The following KLHL10 variants were observed in gnomAD, a reference collection of about 807,000 sequenced individuals.
The protein encoded by KLHL10 is kelch like family member 10, also known as kelch-like protein 10.
In KLHL10, 11 loss-of-function variants were observed where a neutral mutation model predicts 46.6. The ratio of observed to expected loss-of-function variants is 0.24; its 90% CI spans 0.15 to 0.39. The LOEUF (loss-of-function observed/expected upper bound fraction) is 0.39. Among genes scored for constraint, KLHL10 ranks in the 10% least tolerant of loss-of-function variants. The pLI is 1.00. For synonymous variants in KLHL10, 254 were observed against 279.1 expected (o/e 0.91, Z 0.90); for missense variants, 475 against 789.8 (o/e 0.60, Z 4.78).
intron 2 of KLHL10, 58 bp from the exon 3 acceptor site, chr17:41,845,068 T>C: frequency 1.9e-6 from 3 of 1,609,442 alleles, no homozygotes; most frequent in Non-Finnish European, 2.6e-6. Context: ...GAGTTAAGGA[T>C]GTGGGATTTC....
upstream of KLHL10, among the ~76,000 whole-genome samples, chr17:41,836,870 G>A (rs886302946): frequency 3.9e-5 from 6 of 152,108 alleles, no homozygotes; most frequent in Non-Finnish European, 7.4e-5. Context: ...GAGGAGAGAT[G>A]AAGGAGCCAT....
upstream of KLHL10, chr17:41,836,360 G>T (rs1187993403): frequency 3.3e-6 from 4 of 1,224,634 alleles, no homozygotes; most frequent in Non-Finnish European, 4.1e-6. Context: ...CGATCCGGGT[G>T]GGCTTGCCGG....
upstream of KLHL10, chr17:41,835,812 C>A (rs2048142112): frequency 2.6e-6 from 4 of 1,539,646 alleles, no homozygotes; most frequent in Non-Finnish European, 3.5e-6. Flanking sequence ...CAGGAAGCCT[C>A]TCCAGCCGCC....
chr17:41,846,493 C>T (rs545597937), intron 3 of KLHL10, among the ~76,000 whole-genome samples: 19 of 151,554 alleles, frequency 1.3e-4, no homozygotes, highest in African/African-American at 3.9e-4. Context: ...TCCAAGATTG[C>T]GCCACTGCAC....
intron 4 of KLHL10, 52 bp downstream of exon 4, chr17:41,847,462 T>G: frequency 6.2e-7 from 1 of 1,609,418 alleles, no homozygotes; most frequent in Non-Finnish European, 8.5e-7. Flanking sequence ...CCCCTAGATT[T>G]TGTATTAGTA....
intron 2 of KLHL10, among the ~76,000 whole-genome samples, chr17:41,843,511 CAA>C (rs879983952): frequency 2.3e-4 from 22 of 95,856 alleles, no homozygotes; most frequent in African/African-American, 5.7e-4. Flanking sequence ...CTCAAATTAA[CAA>C]AAAAAAAAAA....
Position 41,837,950 on chromosome 17 carries a change from G to T in KLHL10, c.18G>T (p.Ala6=), listed in dbSNP as rs782773575. 6.2e-7 allele frequency: 1 copy of T among 1,613,968 alleles called. No homozygotes were observed. The highest frequency in any genetic ancestry group is 8.5e-7 in the Non-Finnish European group (1 of 1,180,024). ...AGGGTGCCATGGAGATGGAGAGCGCGGCGGCCTCCACACGTTTCCACCAGC... is the reference window on the plus strand; with the variant it reads ...AGGGTGCCATGGAGATGGAGAGCGCTGCGGCCTCCACACGTTTCCACCAGC... MEMES[A]AASTRFHQPH... The change falls in exon 1 of 5, where the codon GCG becomes GCT. Residue 6 remains alanine, a synonymous_variant. Transcript: ENST00000293303.
chr17:41,835,798 T>A (rs1160929021), upstream of KLHL10: 1 of 1,467,154 alleles, frequency 6.8e-7, no homozygotes, highest in East Asian at 2.4e-5. Flanking sequence ...GAAGGCCCAA[T>A]GGGCAGGAAG....
chr17:41,847,323 T>A lies in KLHL10; in HGVS notation c.1365T>A (p.Thr455=). The A allele has an allele frequency of 1.9e-6, 3 of 1,613,952 alleles. No homozygotes were observed. Among genetic ancestry groups the A allele is most frequent in the Non-Finnish European group, 2.5e-6 (3 of 1,179,964 alleles). Residue 455 remains threonine (T), a synonymous_variant, in exon 4 of 5, where the codon ACT becomes ACA. Coordinates refer to ENST00000293303, the MANE Select transcript of KLHL10 (RefSeq NM_152467.5). ...TGTTCACAGCAGAAGTGTATAACACTGAAAGTAATCAGTGGACAGTCATAG... is the reference window on the plus strand; with the variant it reads ...TGTTCACAGCAGAAGTGTATAACACAGAAAGTAATCAGTGGACAGTCATAG... The part of the protein sequence containing the change: ...ECLFTAEVYN[T]ESNQWTVIAP...
intron 1 of KLHL10, among the ~76,000 whole-genome samples, chr17:41,839,005 T>C (rs1192458798): frequency 6.6e-6 from 1 of 151,908 alleles, no homozygotes; most frequent in African/African-American, 2.4e-5. Flanking sequence ...AATTTTTCTT[T>C]TTTTAAGATG....
intron 4 of KLHL10, 143 bp from the exon 5 acceptor site, chr17:41,847,790 C>A: frequency 9.0e-7 from 1 of 1,114,000 alleles, no homozygotes; most frequent in Non-Finnish European, 1.3e-6. Flanking sequence ...CAGGCGTGAG[C>A]CACTGCACCC....
At chr17:41,840,426 A>T (rs2048214953) in intron 1 of KLHL10, among the ~76,000 whole-genome samples, 1 of 152,150 alleles carries the variant, frequency 6.6e-6, no homozygotes, top group South Asian at 2.1e-4. Context: ...TCAGGAATTC[A>T]AGACCAGCCT....
chr17:41,847,948 G>A lies in KLHL10; in HGVS notation c.1468G>A (p.Gly490Arg). The part of the protein sequence containing the change: ...EHVYAVGGFD[G>R]ANRLRSAEAY... ...CTATCCACAGGTAGGTGGCTTTGATGGAGCTAATCGACTTAGGAGTGCCGA... is the reference window on the plus strand; with the variant it reads ...CTATCCACAGGTAGGTGGCTTTGATAGAGCTAATCGACTTAGGAGTGCCGA... The change falls in exon 5 of 5, where the codon GGA becomes AGA. Residue 490 changes from glycine (G) to arginine (R), a missense_variant. Gly to Arg is a moderately radical substitution (Grantham distance 125). Coordinates refer to ENST00000293303, the MANE Select transcript of KLHL10 (RefSeq NM_152467.5). 5 of 1,614,138 alleles carry A rather than the reference G, an allele frequency of 3.1e-6. No individual in the cohort carries two copies. The highest frequency in any genetic ancestry group is 4.2e-6 in the Non-Finnish European group (5 of 1,180,046).
At chr17:41,838,715 G>C (rs572870275) in intron 1 of KLHL10, among the ~76,000 whole-genome samples, 1 of 136,406 alleles carries the variant, frequency 7.3e-6, no homozygotes, top group Non-Finnish European at 1.5e-5. Flanking sequence ...TTTGAGATGA[G>C]TCTCATTCTG....
intron 3 of KLHL10, among the ~76,000 whole-genome samples, chr17:41,846,998 C>T (rs1555621519): frequency 6.6e-6 from 1 of 151,984 alleles, no homozygotes; most frequent in Non-Finnish European, 1.5e-5. Context: ...GCCTGTAGTC[C>T]CAGCTACTCC....
Position 41,845,370 on chromosome 17 carries a change from C to T in KLHL10, c.929C>T (p.Ala310Val). The T allele has an allele frequency of 1.9e-6, 3 of 1,614,198 alleles. No homozygotes were observed. Among genetic ancestry groups the T allele is most frequent in the Non-Finnish European group, 2.5e-6 (3 of 1,180,026 alleles). Reference sequence around the variant, plus strand: ...GGGAGCCCCACCAATGCCATTGAGGCATATGACGCTCGGGCAGACAGATGG... The same window carrying T: ...GGGAGCCCCACCAATGCCATTGAGGTATATGACGCTCGGGCAGACAGATGG... Reference protein sequence around the residue: ...SGGSPTNAIEAYDARADRWVN... With the variant: ...SGGSPTNAIEVYDARADRWVN... Residue 310 changes from alanine to valine, a missense_variant, in exon 3 of 5, where the codon GCA becomes GTA. By Grantham distance (64) the Ala-to-Val change is moderately conservative (BLOSUM62 0). Coordinates refer to ENST00000293303, the MANE Select transcript of KLHL10 (RefSeq NM_152467.5).
upstream of KLHL10, among the ~76,000 whole-genome samples, chr17:41,836,904 A>G (rs573186441): frequency 1.3e-5 from 2 of 152,356 alleles, no homozygotes; most frequent in East Asian, 3.9e-4. Context: ...TTAATCACCC[A>G]GAAAGGGCTC....
chr17:41,840,401 G>A (rs1439440913), intron 1 of KLHL10, among the ~76,000 whole-genome samples: 1 of 152,156 alleles, frequency 6.6e-6, no homozygotes, highest in Non-Finnish European at 1.5e-5. Context: ...AGGCTGAGGT[G>A]GGTGGATCAT....
At chr17:41,838,222 T>A in intron 1 of KLHL10, 96 bp downstream of exon 1, 1 of 1,093,950 alleles carries the variant, frequency 9.1e-7, no homozygotes, top group East Asian at 2.4e-5. Context: ...CACCTTAACT[T>A]TAGGGACACT....
Sources: allele counts gnomAD v4.1 joint callset (sites outside exome capture counted in the v4.1 genomes callset), GRCh38; gene constraint gnomAD v4.1.1; transcripts MANE v1.5; gene names NCBI Gene and HGNC (gene_info 2026-07-23, HGNC 2026-07-21).